MED13L: variants seen among roughly 807,000 people sequenced by gnomAD.
The protein encoded by MED13L is mediator of RNA polymerase II transcription subunit 13-like.
MED13L carries 7 observed loss-of-function variants against 220.9 expected under a neutral mutation model. The observed-to-expected ratio is 0.03, with a 90% CI of 0.02 to 0.06. MED13L has a LOEUF of 0.06. MED13L is among the 10% of genes least tolerant of loss of function. The pLI is 1.00. For synonymous variants in MED13L, 1,011 were observed against 1,015.2 expected (o/e 1.00, Z 0.08); for missense variants, 1,965 against 2,760.5 (o/e 0.71, Z 6.46).
At chr12:116,081,325 C>T (rs763175116) in intron 4 of MED13L, among the ~76,000 whole-genome samples, 22 of 152,156 alleles carry the variant, frequency 1.4e-4, no homozygotes, top group African/African-American at 2.2e-4. Context: ...CATTACGATG[C>T]TAATTTTGTC....
chr12:116,033,544 C>T (rs557883325), intron 4 of MED13L, among the ~76,000 whole-genome samples: 1 of 151,956 alleles, frequency 6.6e-6, no homozygotes, highest in Non-Finnish European at 1.5e-5. Context: ...CTCTTTATTC[C>T]AAGCTTCAAA....
chr12:116,141,536 C>G (rs1260629082), intron 2 of MED13L, among the ~76,000 whole-genome samples: 3 of 152,148 alleles, frequency 2.0e-5, no homozygotes, highest in Admixed American at 6.5e-5. Context: ...TGGCAGTTTT[C>G]TATAAATGTA....
chr12:116,205,333 G>A (rs148243134), intron 2 of MED13L, among the ~76,000 whole-genome samples: 10 of 151,422 alleles, frequency 6.6e-5, no homozygotes, highest in East Asian at 1.9e-4. Flanking sequence ...TTTTTTTAAC[G>A]TTTTTCCTAG....
chr12:116,159,745 T>C (rs1187859764), intron 2 of MED13L, among the ~76,000 whole-genome samples: 2 of 152,240 alleles, frequency 1.3e-5, no homozygotes, highest in Non-Finnish European at 2.9e-5. Context: ...TGAATAAAGT[T>C]ATTTACAGAT....
intron 1 of MED13L, among the ~76,000 whole-genome samples, chr12:116,274,461 A>G (rs1048095317): frequency 6.6e-6 from 1 of 151,852 alleles, no homozygotes; most frequent in South Asian, 2.1e-4. Flanking sequence ...AAAGAAAAAA[A>G]TGCATGCTAT....
intron 4 of MED13L, among the ~76,000 whole-genome samples, chr12:116,071,732 A>C (rs1870386203): frequency 6.6e-6 from 1 of 152,260 alleles, no homozygotes; most frequent in African/African-American, 2.4e-5. Context: ...TGGAGTTCCC[A>C]GAAACATTAC....
chr12:116,255,958 G>GA (rs1872005461), intron 1 of MED13L, among the ~76,000 whole-genome samples: 2 of 152,026 alleles, frequency 1.3e-5, no homozygotes, highest in Non-Finnish European at 2.9e-5. Flanking sequence ...GCCCAAATCT[G>GA]AAAAAATCCA....
In MED13L at chr12:116,133,895, A is replaced by T. The variant is rs189033658; in HGVS notation, c.311-22383T>A. On this transcript the variant is annotated intron_variant, in intron 2 of 30. Transcript: ENST00000281928. ...TTCTTCTGGCCAACTGTCTCAGCTG[A>T]CATCTCAGCCAAAAACCAGCATCGA... Among the ~76,000 whole-genome samples the T allele has an allele frequency of 3.3e-3, 497 of 152,260 alleles. 13 individuals carry two copies. Among genetic ancestry groups the T allele is most frequent in the Non-Finnish European group, 1.4e-3 (97 of 68,014 alleles).
intron 2 of MED13L, among the ~76,000 whole-genome samples, chr12:116,137,047 C>T (rs1474865189): frequency 5.3e-5 from 8 of 152,182 alleles, no homozygotes; most frequent in Admixed American, 5.2e-4. Flanking sequence ...CCTTCCAACT[C>T]TGTCTTTACA....
intron 4 of MED13L, among the ~76,000 whole-genome samples, chr12:116,038,012 T>G (rs1333934815): frequency 1.3e-5 from 2 of 152,206 alleles, no homozygotes; most frequent in East Asian, 3.9e-4. Context: ...CTGAGGTTAC[T>G]AAACTAGCCA....
intron 4 of MED13L, among the ~76,000 whole-genome samples, chr12:116,056,707 C>T (rs903013534): frequency 6.6e-6 from 1 of 152,172 alleles, no homozygotes; most frequent in Non-Finnish European, 1.5e-5. Context: ...AAAGAATCAT[C>T]ATCAGATAAT....
intron 30 of MED13L, 190 bp from the exon 31 acceptor site, chr12:115,961,588 A>G (rs1204627306): frequency 1.3e-5 from 10 of 771,988 alleles, no homozygotes; most frequent in Non-Finnish European, 1.9e-5. Context: ...CCAGTACAGT[A>G]GCCAGCAGCC....
chr12:116,030,435 A>C (rs983755065), intron 4 of MED13L, among the ~76,000 whole-genome samples: 3 of 152,222 alleles, frequency 2.0e-5, no homozygotes, highest in African/African-American at 7.2e-5. Flanking sequence ...AATCTACCAG[A>C]AACAGTACTT....
Position 116,125,693 on chromosome 12 carries a change from A to G in MED13L, c.311-14181T>C, listed in dbSNP as rs557667860. On this transcript the variant is annotated intron_variant, in intron 2 of 30. Coordinates refer to ENST00000281928, the MANE Select transcript of MED13L (RefSeq NM_015335.5). ...TTGGTTTTCTGTACTGTGTGAAGTC[A>G]TGACTCCCCCAAAACTAATCAAATT... Among the ~76,000 whole-genome samples the G allele has an allele frequency of 5.3e-5, 8 of 152,322 alleles. No individual in the cohort carries two copies. In the South Asian group the frequency reaches 1.7e-3, roughly 32 times the overall value.
At chr12:116,257,891 C>CA (rs1047047116) in intron 1 of MED13L, among the ~76,000 whole-genome samples, 29 of 150,502 alleles carry the variant, frequency 1.9e-4, no homozygotes, top group African/African-American at 4.6e-4. Context: ...CAGTCTAAGA[C>CA]AAAAAAAAAT....
intron 2 of MED13L, among the ~76,000 whole-genome samples, chr12:116,203,179 A>C (rs145559277): frequency 6.6e-6 from 1 of 152,146 alleles, no homozygotes; most frequent in Non-Finnish European, 1.5e-5. Flanking sequence ...ATGTCTCCAC[A>C]CCATCTTCAG....
chr12:116,010,188 C>T (rs1239992963), intron 9 of MED13L, among the ~76,000 whole-genome samples: 3 of 152,108 alleles, frequency 2.0e-5, no homozygotes, highest in Admixed American at 6.5e-5. Flanking sequence ...AATCCTGCAG[C>T]AGATAATCTG....
At chr12:116,271,064 A>AAAAAAAAAG (rs1318089075) in intron 1 of MED13L, among the ~76,000 whole-genome samples, 5 of 150,380 alleles carry the variant, frequency 3.3e-5, no homozygotes, top group African/African-American at 9.8e-5. Context: ...AAAAAAAAAA[A>AAAAAAAAAG]AAAGAAAGAA....
chr12:116,027,094 T>A (rs920227248), intron 4 of MED13L, among the ~76,000 whole-genome samples: 1 of 147,124 alleles, frequency 6.8e-6, no homozygotes, highest in Non-Finnish European at 1.5e-5. Flanking sequence ...ACAATTTGCA[T>A]GTGGCATAAC....
Sources: gnomAD v4.1 joint callset for allele counts (sites outside exome capture counted in the v4.1 genomes callset) on GRCh38, gnomAD v4.1.1 for gene constraint, MANE v1.5 for transcripts, NCBI Gene and HGNC (gene_info 2026-07-23, HGNC 2026-07-21) for gene names.